LMBRD2: variants seen among roughly 807,000 people sequenced by gnomAD.
LMBRD2 encodes the protein LMBR1 domain containing 2.
LMBRD2 carries 55 observed loss-of-function variants against 94.4 expected under a neutral mutation model. The observed-to-expected ratio is 0.58, with a 90% CI of 0.47 to 0.73. The LOEUF is 0.73. Ranked by LOEUF, LMBRD2 falls within the 30% of genes least tolerant of loss-of-function variation. The pLI is 0.00. For synonymous variants in LMBRD2, 246 were observed against 272.4 expected, an observed-to-expected ratio of 0.90 and a Z score of 0.95; for missense variants, 640 against 831.9, an observed-to-expected ratio of 0.77 and a Z score of 2.84.
chr5:36,130,922 A>G (rs768907380), intron 6 of LMBRD2, among the ~76,000 whole-genome samples: 17 of 152,128 alleles, frequency 1.1e-4, no homozygotes, highest in Non-Finnish European at 1.9e-4. Context: ...TAAAGAACTA[A>G]CACAAATCCT....
At chr5:36,110,592 C>A (rs1014053185) in intron 14 of LMBRD2, among the ~76,000 whole-genome samples, 1 of 151,966 alleles carries the variant, frequency 6.6e-6, no homozygotes, top group Non-Finnish European at 1.5e-5. Context: ...TACACAAAAG[C>A]CCCAGACTCA....
At chr5:36,146,972 G>C (rs924151443) in intron 1 of LMBRD2, among the ~76,000 whole-genome samples, 1 of 150,000 alleles carries the variant, frequency 6.7e-6, no homozygotes, top group East Asian at 1.9e-4. Flanking sequence ...GTGTGTGTGT[G>C]TGTGTGTGTC....
At chr5:36,112,051 GGAGAGAGA>G (rs10661979) in intron 13 of LMBRD2, among the ~76,000 whole-genome samples, 4 of 149,942 alleles carry the variant, frequency 2.7e-5, no homozygotes, top group African/African-American at 7.3e-5. Context: ...AAGTGGTGAA[GGAGAGAGA>G]GAGAGAGAGA....
chr5:36,116,672 A>G, intron 10 of LMBRD2, 79 bp from the exon 11 acceptor site: 1 of 1,413,274 alleles, frequency 7.1e-7, no homozygotes. Context: ...ATTATCCTTC[A>G]TTTCTTTTTC....
At chr5:36,145,213 A>T (rs1165579007) in intron 1 of LMBRD2, among the ~76,000 whole-genome samples, 1 of 152,240 alleles carries the variant, frequency 6.6e-6, no homozygotes, top group African/African-American at 2.4e-5. Flanking sequence ...AGTTTAGTAC[A>T]TACACTATTT....
intron 9 of LMBRD2, among the ~76,000 whole-genome samples, chr5:36,118,421 A>T (rs1363710288): frequency 6.6e-6 from 1 of 152,202 alleles, no homozygotes; most frequent in African/African-American, 2.4e-5. Context: ...GGTAGAGTAT[A>T]AATATTAATT....
chr5:36,100,458 A>G lies in LMBRD2; in HGVS notation c.*3588T>C, dbSNP rs1743324289. The stretch of plus-strand genomic sequence containing the variant: ...CTTCTGAGCGTACCACTCATCAAAA[A>G]CAACTCTGTACACAAAACAGAAGGA... On this transcript the variant is annotated 3_prime_UTR_variant, in exon 18 of 18. Transcript: ENST00000296603. 6.6e-6 allele frequency: 1 copy of G among 152,074 alleles called. No homozygotes were observed. Among genetic ancestry groups the G allele is most frequent in the Non-Finnish European group, 1.5e-5 (1 of 67,982 alleles). 9.4% of individuals were successfully genotyped at this position (152,074 alleles called of 1,614,324 possible).
intron 9 of LMBRD2, among the ~76,000 whole-genome samples, chr5:36,120,303 G>A (rs532186933): frequency 6.6e-6 from 1 of 151,782 alleles, no homozygotes; most frequent in Non-Finnish European, 1.5e-5. Flanking sequence ...TGGGACTACA[G>A]GTAGGCTGGA....
intron 1 of LMBRD2, among the ~76,000 whole-genome samples, chr5:36,150,378 C>T (rs1744662953): frequency 6.6e-6 from 1 of 152,164 alleles, no homozygotes; most frequent in Admixed American, 6.5e-5. Flanking sequence ...AGTGGGCTCT[C>T]CCAATTATTT....
chr5:36,119,296 C>T (rs1367461682), intron 9 of LMBRD2, among the ~76,000 whole-genome samples: 1 of 152,150 alleles, frequency 6.6e-6, no homozygotes, highest in Non-Finnish European at 1.5e-5. Flanking sequence ...TATCTCCAGC[C>T]CTTCCATATA....
chr5:36,108,381 A>G (rs529377915), intron 16 of LMBRD2, 153 bp downstream of exon 16: 11 of 471,198 alleles, frequency 2.3e-5, no homozygotes, highest in African/African-American at 2.0e-4. Context: ...CCTTCTATAT[A>G]CTGAGGAATG....
intron 15 of LMBRD2, among the ~76,000 whole-genome samples, chr5:36,109,070 A>G (rs1743541489): frequency 1.3e-5 from 2 of 152,216 alleles, no homozygotes; most frequent in Admixed American, 1.3e-4. Context: ...TATGACTCAC[A>G]CGGCATTGTG....
intron 6 of LMBRD2, among the ~76,000 whole-genome samples, chr5:36,129,211 G>T (rs1045390614): frequency 6.6e-6 from 1 of 152,096 alleles, no homozygotes; most frequent in African/African-American, 2.4e-5. Context: ...TAATAATAGA[G>T]AACTTCCCAA....
At chr5:36,142,460 T>A in intron 3 of LMBRD2, 42 bp downstream of exon 3, 1 of 1,114,070 alleles carries the variant, frequency 9.0e-7, no homozygotes, top group Non-Finnish European at 1.4e-6. Context: ...AAACAATGTG[T>A]CCCCTACAAT....
At chr5:36,112,056 G>C (rs1419455460) in intron 13 of LMBRD2, among the ~76,000 whole-genome samples, 1 of 151,834 alleles carries the variant, frequency 6.6e-6, no homozygotes, top group Non-Finnish European at 1.5e-5. Flanking sequence ...GTGAAGGAGA[G>C]AGAGAGAGAG....
intron 4 of LMBRD2, among the ~76,000 whole-genome samples, chr5:36,140,773 A>T (rs575321721): frequency 1.3e-5 from 2 of 152,348 alleles, no homozygotes; most frequent in East Asian, 3.9e-4. Context: ...GAAAGAAAGC[A>T]AACTAAAAAA....
chr5:36,118,264 T>C (rs1303635957), intron 9 of LMBRD2, among the ~76,000 whole-genome samples: 1 of 152,118 alleles, frequency 6.6e-6, no homozygotes, highest in African/African-American at 2.4e-5. Flanking sequence ...TTCTGATATA[T>C]CATAAAACAC....
intron 1 of LMBRD2, among the ~76,000 whole-genome samples, chr5:36,146,558 G>T (rs541756036): frequency 6.6e-6 from 1 of 151,994 alleles, no homozygotes; most frequent in East Asian, 1.9e-4. Context: ...AATTTTTTTT[G>T]TAGAGACAGG....
chr5:36,108,368 C>G (rs1255262633), intron 16 of LMBRD2, among the ~76,000 whole-genome samples, 166 bp downstream of exon 16: 3 of 152,140 alleles, frequency 2.0e-5, no homozygotes, highest in Non-Finnish European at 4.4e-5. Context: ...TGAGCTTCCC[C>G]ATCCTTCTAT....
Sources: allele counts gnomAD v4.1 joint callset (sites outside exome capture counted in the v4.1 genomes callset), GRCh38; gene constraint gnomAD v4.1.1; transcripts MANE v1.5; gene names NCBI Gene and HGNC (gene_info 2026-07-23, HGNC 2026-07-21).